SP4: variants seen among roughly 807,000 people sequenced by gnomAD.
SP4 encodes transcription factor Sp4.
Under a neutral mutation model 72.8 loss-of-function variants are expected in SP4, and 19 were observed. That is an observed-to-expected ratio of 0.26 (90% CI 0.18 to 0.38). The LOEUF is 0.38. Among genes scored for constraint, SP4 ranks in the 10% least tolerant of loss-of-function variants. The pLI is 1.00. For missense variants in SP4, 1,008 were observed against 926.3 expected, an observed-to-expected ratio of 1.09 and a Z score of -1.14; for synonymous variants, 395 against 333.1, an observed-to-expected ratio of 1.19 and a Z score of -2.02.
intron 5 of SP4, among the ~76,000 whole-genome samples, chr7:21,497,808 A>T (rs1191164939): frequency 6.6e-6 from 1 of 152,204 alleles, no homozygotes; most frequent in Non-Finnish European, 1.5e-5. Flanking sequence ...TTTATAATGA[A>T]ATAACCAAAG....
intron 3 of SP4, among the ~76,000 whole-genome samples, chr7:21,466,671 C>T (rs1209970038): frequency 6.6e-6 from 1 of 152,114 alleles, no homozygotes; most frequent in African/African-American, 2.4e-5. Context: ...ACAGAAGGTA[C>T]TCGGTTATTT....
chr7:21,470,718 C>T (rs998043179), intron 3 of SP4, among the ~76,000 whole-genome samples: 1 of 149,450 alleles, frequency 6.7e-6, no homozygotes, highest in African/African-American at 2.5e-5. Flanking sequence ...AACTGTCCCC[C>T]TCCATTACCT....
chr7:21,437,254 A>G (rs1187172472), intron 3 of SP4, among the ~76,000 whole-genome samples: 1 of 152,210 alleles, frequency 6.6e-6, no homozygotes, highest in Non-Finnish European at 1.5e-5. Context: ...AAAAGAACCG[A>G]GGAATCACTG....
intron 2 of SP4, 39 bp from the exon 3 acceptor site, chr7:21,429,250 T>TCCCCC: frequency 1.7e-6 from 2 of 1,159,782 alleles, no homozygotes; most frequent in Non-Finnish European, 1.2e-6. Context: ...CCCACTTTTT[T>TCCCCC]TCCCCCCCCC....
rs1026410068 is a variant in SP4, at chr7:21,514,173, A to G, written c.*2904A>G. 3 of 152,636 alleles carry G rather than the reference A, an allele frequency of 2.0e-5. No homozygotes were observed. Among genetic ancestry groups the G allele is most frequent in the African/African-American group, 7.2e-5 (3 of 41,466 alleles). 9.5% of individuals were successfully genotyped at this position (152,636 alleles called of 1,614,324 possible). A position where few individuals can be genotyped will look rare whatever the true frequency, so the allele number is the denominator to read the frequency against. ...TTGTGTATGTGTTGCTGATTACATT[A>G]GAACTTGATGTTAAGTCATTTATCA... is the stretch of plus-strand genomic sequence containing the variant. On this transcript the variant is annotated 3_prime_UTR_variant, in exon 6 of 6. Transcript: ENST00000222584.
At chr7:21,446,175 C>T (rs760280607) in intron 3 of SP4, among the ~76,000 whole-genome samples, 74 of 152,066 alleles carry the variant, frequency 4.9e-4, no homozygotes, top group East Asian at 5.8e-4. Flanking sequence ...CTTGTTCTCC[C>T]GCACCTTCAC....
intron 5 of SP4, among the ~76,000 whole-genome samples, chr7:21,508,355 C>T (rs990066693): frequency 5.3e-5 from 8 of 152,132 alleles, no homozygotes; most frequent in South Asian, 2.1e-4. Flanking sequence ...CAGGCACACC[C>T]GGGGCAGTTA....
At chr7:21,437,077 T>C (rs1324232526) in intron 3 of SP4, among the ~76,000 whole-genome samples, 1 of 152,218 alleles carries the variant, frequency 6.6e-6, no homozygotes, top group Non-Finnish European at 1.5e-5. Context: ...CAGGCTAGTA[T>C]CAATAACTTA....
intron 5 of SP4, among the ~76,000 whole-genome samples, chr7:21,485,571 A>G (rs542566862): frequency 2.6e-5 from 4 of 152,114 alleles, no homozygotes; most frequent in South Asian, 4.1e-4. Context: ...ATTTTATACT[A>G]TCTATTGAGT....
rs78084816 is a variant in SP4 at position 21,501,229 on chromosome 7, G to T, written c.2108-9793G>T. On this transcript the variant is annotated intron_variant, in intron 5 of 5. Coordinates refer to ENST00000222584, the MANE Select transcript of SP4 (RefSeq NM_003112.5). ...CTTCTCTACATTCTGTTTGCTCATT[G>T]TGACCTTCTAGGTGCGTGAGCCGTG... Among the ~76,000 whole-genome samples, 479 of 152,074 alleles carry T rather than the reference G, an allele frequency of 3.1e-3. 23 individuals are homozygous for T. In the East Asian group the frequency reaches 0.08, roughly 25 times the overall value.
chr7:21,443,025 C>G (rs1451556544), intron 3 of SP4, among the ~76,000 whole-genome samples: 1 of 152,220 alleles, frequency 6.6e-6, no homozygotes, highest in East Asian at 1.9e-4. Context: ...TTTAAGCCAC[C>G]ATGCCTGGCT....
chr7:21,429,908 G>C lies in SP4; in HGVS notation c.743G>C (p.Gly248Ala). The C allele has an allele frequency of 6.2e-7, 1 of 1,614,110 alleles. No homozygotes were observed. The change falls in exon 3 of 6, where the codon GGT (glycine) becomes GCT (alanine). Residue 248 changes from glycine to alanine, a missense_variant. Around this residue, in one of 3 missense-constraint regions of SP4, gnomAD observed 893 missense variants for 743.3 expected, o/e 1.20. Coordinates refer to ENST00000222584, the MANE Select transcript of SP4 (RefSeq NM_003112.5). ...SIPLQLQTLP[G>A]TQAQVVTTLP... Reference sequence around the variant, plus strand: ...CCACTGCAGTTACAGACTCTTCCTGGTACTCAGGCTCAAGTTGTAACAACC... The same window carrying C: ...CCACTGCAGTTACAGACTCTTCCTGCTACTCAGGCTCAAGTTGTAACAACC...
intron 5 of SP4, among the ~76,000 whole-genome samples, chr7:21,486,778 C>G (rs1307844041): frequency 6.6e-6 from 1 of 152,154 alleles, no homozygotes; most frequent in Non-Finnish European, 1.5e-5. Context: ...TTGTTAGAAG[C>G]AAGTCACTAA....
intron 3 of SP4, among the ~76,000 whole-genome samples, chr7:21,435,849 T>C (rs1028379454): frequency 2.1e-5 from 3 of 146,084 alleles, no homozygotes; most frequent in Non-Finnish European, 4.5e-5. Flanking sequence ...AAAAGGGCAT[T>C]TTTTTTTTTT....
Position 21,492,165 on chromosome 7 carries a change from T to C in SP4, c.2107+10042T>C, listed in dbSNP as rs556259771. Among the ~76,000 whole-genome samples the C allele has an allele frequency of 1.1e-3, 166 of 152,272 alleles. 1 individual carries two copies. Among genetic ancestry groups the C allele is most frequent in the African/African-American group, 3.9e-3 (160 of 41,534 alleles). On this transcript the variant is annotated intron_variant, in intron 5 of 5. Transcript: ENST00000222584. ...CAGAAAGGGAGGGTAAGGAAGCCAATAGTTAAAAAGCTGCTTTGTTTTACT... is the reference window on the plus strand; with the variant it reads ...CAGAAAGGGAGGGTAAGGAAGCCAACAGTTAAAAAGCTGCTTTGTTTTACT...
Position 21,481,988 on chromosome 7 carries a change from T to G in SP4, c.1972T>G (p.Tyr658Asp). 1 of 1,614,080 alleles carries G rather than the reference T, an allele frequency of 6.2e-7. No homozygotes were observed. Among genetic ancestry groups the G allele is most frequent in the Non-Finnish European group, 8.5e-7 (1 of 1,179,936 alleles). ...TCATATTGAAGGATGTGGTAAAGTTTATGGCAAAACATCTCATTTACGAGC... is the reference window on the plus strand; with the variant it reads ...TCATATTGAAGGATGTGGTAAAGTTGATGGCAAAACATCTCATTTACGAGC... ...ICHIEGCGKV[Y>D]GKTSHLRAHL... The change falls in exon 5 of 6, where the codon TAT (tyrosine) becomes GAT (aspartate). Residue 658 changes from tyrosine to aspartate, a missense_variant. Coordinates refer to ENST00000222584, the MANE Select transcript of SP4 (RefSeq NM_003112.5).
At chr7:21,495,328 G>A (rs1785082278) in intron 5 of SP4, among the ~76,000 whole-genome samples, 1 of 151,990 alleles carries the variant, frequency 6.6e-6, no homozygotes, top group African/African-American at 2.4e-5. Context: ...GGGAGAAAGT[G>A]TTTGAAAATC....
At chr7:21,492,813 A>G (rs1475956631) in intron 5 of SP4, among the ~76,000 whole-genome samples, 1 of 152,258 alleles carries the variant, frequency 6.6e-6, no homozygotes, top group African/African-American at 2.4e-5. Flanking sequence ...TTTAAAGAAT[A>G]TCCCAGCAGA....
At chr7:21,472,914 G>A (rs1013598366) in intron 3 of SP4, among the ~76,000 whole-genome samples, 7 of 152,186 alleles carry the variant, frequency 4.6e-5, no homozygotes. Flanking sequence ...CAGCAGAGCA[G>A]TCCTGTAATG....
Sources: allele counts gnomAD v4.1 joint callset (sites outside exome capture counted in the v4.1 genomes callset), GRCh38; gene constraint gnomAD v4.1.1; regional missense constraint gnomAD v4.1.1; transcripts MANE v1.5; gene names NCBI Gene and HGNC (gene_info 2026-07-23, HGNC 2026-07-21).